SYK: variants seen among roughly 807,000 people sequenced by gnomAD.
The protein encoded by SYK is spleen associated tyrosine kinase, also known as tyrosine-protein kinase SYK.
In SYK, 16 loss-of-function variants were observed where a neutral mutation model predicts 77.8. The ratio of observed to expected loss-of-function variants is 0.21; its 90% CI spans 0.14 to 0.31. SYK has a LOEUF of 0.31. Among genes scored for constraint, SYK ranks in the 10% least tolerant of loss-of-function variants. The pLI, the probability that SYK is intolerant of heterozygous loss-of-function variation, is 1.00. For missense variants in SYK, 529 were observed against 814.4 expected, an observed-to-expected ratio of 0.65 and a Z score of 4.26; for synonymous variants, 312 against 308.7, an observed-to-expected ratio of 1.01 and a Z score of -0.11.
intron 7 of SYK, among the ~76,000 whole-genome samples, chr9:90,869,122 A>T (rs1827628876): frequency 6.6e-6 from 1 of 152,188 alleles, no homozygotes; most frequent in Non-Finnish European, 1.5e-5. Flanking sequence ...GGAGTAAGAG[A>T]TGGGAATGTT....
chr9:90,886,128 C>T (rs868742122), intron 11 of SYK, among the ~76,000 whole-genome samples: 1 of 152,134 alleles, frequency 6.6e-6, no homozygotes, highest in Non-Finnish European at 1.5e-5. Context: ...TACAAATAAT[C>T]CTGTTAAATA....
At chr9:90,863,599 A>G (rs911760247) in intron 4 of SYK, among the ~76,000 whole-genome samples, 4 of 152,198 alleles carry the variant, frequency 2.6e-5, no homozygotes, top group Admixed American at 6.5e-5. Context: ...TTTGTGGCTC[A>G]TTGCCATTTG....
intron 13 of SYK, 80 bp downstream of exon 13, chr9:90,888,707 A>G: frequency 2.7e-6 from 3 of 1,094,228 alleles, no homozygotes; most frequent in South Asian, 1.7e-5. Context: ...AAAAAAGGAT[A>G]AAGTTCACCT....
At chr9:90,873,477 G>A (rs1827809270) in intron 7 of SYK, among the ~76,000 whole-genome samples, 1 of 152,144 alleles carries the variant, frequency 6.6e-6, no homozygotes, top group African/African-American at 2.4e-5. Context: ...AAAGTCCTTA[G>A]GATAATGAGT....
At chr9:90,811,308 A>G (rs1825062073) in intron 1 of SYK, among the ~76,000 whole-genome samples, 1 of 152,234 alleles carries the variant, frequency 6.6e-6, no homozygotes, top group Non-Finnish European at 1.5e-5. Flanking sequence ...CAATAAGAAA[A>G]AAGACACAGA....
intron 3 of SYK, among the ~76,000 whole-genome samples, chr9:90,854,267 G>A (rs1402408183): frequency 2.6e-5 from 4 of 152,212 alleles, no homozygotes; most frequent in Non-Finnish European, 5.9e-5. Context: ...TGGAGCAGGG[G>A]CGGCTGCTCT....
intron 1 of SYK, among the ~76,000 whole-genome samples, chr9:90,802,951 A>G (rs1824664551): frequency 1.3e-5 from 2 of 152,168 alleles, no homozygotes; most frequent in Admixed American, 6.5e-5. Flanking sequence ...TTGTCTTAGT[A>G]GGGACAAATT....
chr9:90,897,286 T>A lies in SYK; in HGVS notation c.*1686T>A. On this transcript the variant is annotated 3_prime_UTR_variant, in exon 14 of 14. Transcript: ENST00000375754. ...AGAAGTTTTTGGTAGCCACGCACAC[T>A]TTCTGAAATCACACTATCTGGTGGT... The A allele has an allele frequency of 4.3e-6, 1 of 230,688 alleles. No individual in the cohort carries two copies. The highest frequency in any genetic ancestry group is 6.1e-5 in the East Asian group (1 of 16,296). 14.3% of individuals were successfully genotyped at this position (230,688 alleles called of 1,614,324 possible).
intron 1 of SYK, among the ~76,000 whole-genome samples, chr9:90,808,814 C>A (rs1214791023): frequency 2.0e-5 from 3 of 152,144 alleles, no homozygotes; most frequent in Non-Finnish European, 4.4e-5. Context: ...TCCCACCTTG[C>A]ACCCCCCACA....
At position 90,828,552 on chromosome 9, in the gene SYK, C is replaced by T. The variant is rs368207610; in HGVS notation, c.-41-15306C>T. Among the ~76,000 whole-genome samples the T allele has an allele frequency of 3.3e-5, 5 of 152,212 alleles. No individual in the cohort carries two copies. In the East Asian group the frequency reaches 5.8e-4, roughly 18 times the overall value. On this transcript the variant is annotated intron_variant, in intron 1 of 13. Transcript: ENST00000375754. Reference sequence around the variant, plus strand: ...CTCAGGGTCAATATGCGCCCCACACCGCTGGCTGCAACCCCACCCTGTCCT... The same window carrying T: ...CTCAGGGTCAATATGCGCCCCACACTGCTGGCTGCAACCCCACCCTGTCCT...
intron 1 of SYK, among the ~76,000 whole-genome samples, chr9:90,829,156 G>A (rs531525663): frequency 6.6e-6 from 1 of 152,208 alleles, no homozygotes; most frequent in African/African-American, 2.4e-5. Context: ...TGGGTGTGGT[G>A]GTGTGCGCTG....
Position 90,801,838 on chromosome 9 carries a change from A to G in SYK, c.-97A>G, listed in dbSNP as rs1347233042. 6.6e-6 allele frequency: 1 copy of G among 152,302 alleles called. No individual in the cohort carries two copies. The highest frequency in any genetic ancestry group is 2.4e-5 in the African/African-American group (1 of 41,428). The allele number at this position is 152,302 out of a possible 1,614,324, so 9.4% of individuals were successfully genotyped here. On this transcript the variant is annotated 5_prime_UTR_variant, in exon 1 of 14. Transcript: ENST00000375754. ...GAGGCCACCCCGGCGGCGGCTGGAGAGCGAGGAGGAGCGGGTGGCCCCGCG... is the reference window on the plus strand; with the variant it reads ...GAGGCCACCCCGGCGGCGGCTGGAGGGCGAGGAGGAGCGGGTGGCCCCGCG...
Position 90,862,793 on chromosome 9 carries a change from G to T in SYK, c.717+449G>T, listed in dbSNP as rs188677667. ...TCAGACAAAGACACACAAAATAAAG[G>T]AATGGATGCCTGGGGAAGGAGGCCT... is the stretch of plus-strand genomic sequence containing the variant. On this transcript the variant is annotated intron_variant, in intron 4 of 13. Coordinates refer to ENST00000375754, the MANE Select transcript of SYK (RefSeq NM_003177.7). 1.3e-4 allele frequency among the ~76,000 whole-genome samples: 20 copies of T among 152,310 alleles called. No individual in the cohort carries two copies. In the East Asian group the frequency reaches 1.9e-3, roughly 15 times the overall value.
intron 1 of SYK, among the ~76,000 whole-genome samples, chr9:90,826,827 T>C (rs1453696957): frequency 2.0e-5 from 3 of 152,202 alleles, no homozygotes; most frequent in African/African-American, 7.2e-5. Context: ...AGAGGTGCTC[T>C]GTAAAGTTGC....
intron 1 of SYK, among the ~76,000 whole-genome samples, chr9:90,839,191 G>C (rs1326227109): frequency 6.6e-6 from 1 of 152,058 alleles, no homozygotes; most frequent in African/African-American, 2.4e-5. Context: ...GTCCTGAGAA[G>C]GTATGCACAG....
chr9:90,871,464 T>A (rs1203270650), intron 7 of SYK, among the ~76,000 whole-genome samples: 1 of 152,258 alleles, frequency 6.6e-6, no homozygotes, highest in Non-Finnish European at 1.5e-5. Context: ...ATAGTATTTT[T>A]ACAATTTATC....
At chr9:90,831,006 T>C (rs1825868371) in intron 1 of SYK, among the ~76,000 whole-genome samples, 4 of 152,200 alleles carry the variant, frequency 2.6e-5, no homozygotes, top group Admixed American at 2.0e-4. Flanking sequence ...CTGCTTTGCA[T>C]TGAGGGGGCT....
At chr9:90,804,877 T>A (rs1380851848) in intron 1 of SYK, among the ~76,000 whole-genome samples, 18 of 152,216 alleles carry the variant, frequency 1.2e-4, no homozygotes, top group Non-Finnish European at 2.9e-5. Context: ...GTTCATTCAT[T>A]TTGATATGAT....
intron 3 of SYK, among the ~76,000 whole-genome samples, chr9:90,847,197 C>T (rs1343841417): frequency 6.6e-6 from 1 of 152,202 alleles, no homozygotes; most frequent in Admixed American, 6.5e-5. Flanking sequence ...CCTATCTGCC[C>T]TGTACAGACT....
Sources: gnomAD v4.1 joint callset for allele counts (sites outside exome capture counted in the v4.1 genomes callset) on GRCh38, gnomAD v4.1.1 for gene constraint, MANE v1.5 for transcripts, NCBI Gene and HGNC (gene_info 2026-07-23, HGNC 2026-07-21) for gene names.